TYROBP: variants seen among roughly 807,000 people sequenced by gnomAD.
TYROBP encodes the protein transmembrane immune signaling adaptor TYROBP, also known as TYRO protein tyrosine kinase-binding protein.
In TYROBP, 14 loss-of-function variants were observed where a neutral mutation model predicts 17.1. That is an observed-to-expected ratio of 0.82 (90% confidence interval 0.54 to 1.28). The LOEUF is 1.28. TYROBP is among the 50% of genes most tolerant of loss of function. TYROBP has a pLI of 0.00. For synonymous variants in TYROBP, 73 were observed against 67.4 expected, an observed-to-expected ratio of 1.08 and a Z score of -0.41; for missense variants, 161 against 151.4, an observed-to-expected ratio of 1.06 and a Z score of -0.33.
intron 4 of TYROBP, among the ~76,000 whole-genome samples, chr19:35,905,859 A>G (rs1297207153): frequency 6.6e-6 from 1 of 151,652 alleles, no homozygotes; most frequent in African/African-American, 2.4e-5. Flanking sequence ...AGGCTCAGGC[A>G]AGAGAATCGC....
At position 35,907,562 on chromosome 19, in the gene TYROBP, A is replaced by G. The variant is rs754801907; in HGVS notation, c.113T>C (p.Val38Ala). ...QAQSDCSCST[V>A]SPGVLAGIVM... ...GATCCCTGCCAGCACGCCCGGGCTC[A>G]CCGTAGAGCAACTGCAATCTGCAGC... is the stretch of plus-strand genomic sequence containing the variant. The change falls in exon 3 of 5, where the codon GTG becomes GCG. Residue 38 changes from valine (V) to alanine (A), a missense_variant. Transcript: ENST00000262629. 3 of 1,614,036 alleles carry G rather than the reference A, an allele frequency of 1.9e-6. No individual in the cohort carries two copies. The highest frequency in any genetic ancestry group is 1.1e-5 in the South Asian group (1 of 91,084).
At position 35,904,587 on chromosome 19, in the gene TYROBP, C is replaced by T. The variant is rs1297989037; in HGVS notation, c.324G>A (p.Gln108=). ...TTCGGGCTCATTTGTAATACGGCCT[C>T]TGTGTGTTGAGGTCGCTGTAGACAT... ...RSDVYSDLNT[Q]RPYYK is the part of the protein sequence containing the mutation. Residue 108 remains glutamine (Q), a synonymous_variant, in exon 5 of 5, where the codon CAG becomes CAA. Transcript: ENST00000262629. 3.7e-6 allele frequency: 6 copies of T among 1,613,710 alleles called. No homozygotes were observed. Among genetic ancestry groups the T allele is most frequent in the Non-Finnish European group, 5.1e-6 (6 of 1,179,906 alleles).
At chr19:35,905,681 G>A (rs960833634) in intron 4 of TYROBP, among the ~76,000 whole-genome samples, 3 of 150,858 alleles carry the variant, frequency 2.0e-5, no homozygotes, top group African/African-American at 4.9e-5. Context: ...AAGGCCGGGC[G>A]CGGTGGCTCA....
chr19:35,907,632 G>A (rs1328265312), intron 2 of TYROBP, 52 bp from the exon 3 acceptor site: 1 of 1,613,396 alleles, frequency 6.2e-7, no homozygotes, highest in Non-Finnish European at 8.5e-7. Context: ...CTGTGGGGAG[G>A]GGGGTCAGCG....
chr19:35,904,817 G>T (rs2146984974), intron 4 of TYROBP, among the ~76,000 whole-genome samples, 183 bp from the exon 5 acceptor site: 1 of 151,934 alleles, frequency 6.6e-6, no homozygotes, highest in African/African-American at 2.4e-5. Context: ...CCAGCCTCAG[G>T]GTCCCTGCGT....
chr19:35,907,182 G>C (rs1243252070), intron 4 of TYROBP, 36 bp downstream of exon 4: 3 of 1,575,990 alleles, frequency 1.9e-6, no homozygotes, highest in Non-Finnish European at 1.7e-6. Flanking sequence ...TCCCTGGCAG[G>C]AGTGAAATGT....
intron 2 of TYROBP, 62 bp downstream of exon 2, chr19:35,907,668 G>T: frequency 6.2e-7 from 1 of 1,613,294 alleles, no homozygotes; most frequent in Non-Finnish European, 8.5e-7. Flanking sequence ...AAGGGTGTGG[G>T]AGAGACGGAG....
chr19:35,907,591 G>A lies in TYROBP; in HGVS notation c.95-11C>T, dbSNP rs913126081. ...TAGAGCAACTGCAATCTGCAGCACAGGGGTCAGGGGAGGTCAGTGTGTGCT... is the reference window on the plus strand; with the variant it reads ...TAGAGCAACTGCAATCTGCAGCACAAGGGTCAGGGGAGGTCAGTGTGTGCT... On this transcript the variant is annotated splice_polypyrimidine_tract_variant and intron_variant, in intron 2 of 4. Coordinates refer to ENST00000262629, the MANE Select transcript of TYROBP (RefSeq NM_003332.4). The A allele has an allele frequency of 2.5e-6, 4 of 1,613,982 alleles. No homozygotes were observed. Among genetic ancestry groups the A allele is most frequent in the African/African-American group, 1.3e-5 (1 of 74,916 alleles).
intron 4 of TYROBP, among the ~76,000 whole-genome samples, chr19:35,904,925 C>T (rs1391065234): frequency 6.6e-6 from 1 of 151,614 alleles, no homozygotes; most frequent in Non-Finnish European, 1.5e-5. Context: ...TCTCAATTTC[C>T]CCTCTGTAGT....
intron 4 of TYROBP, among the ~76,000 whole-genome samples, chr19:35,906,081 G>A (rs1004074567): frequency 7.9e-5 from 12 of 151,436 alleles, no homozygotes; most frequent in African/African-American, 2.9e-4. Context: ...GAGACTGGGA[G>A]TTTGAGACCA....
chr19:35,907,683 G>A (rs1975765017), intron 2 of TYROBP, 47 bp downstream of exon 2: 1 of 1,613,138 alleles, frequency 6.2e-7, no homozygotes, highest in Middle Eastern at 1.7e-4. Flanking sequence ...ACGGAGACAG[G>A]GAGGTCTCTG....
Position 35,907,218 on chromosome 19 carries a change from C to G in TYROBP, c.276G>C (p.Gln92His). ...QRITETESPYQELQGQRSDVY... is the reference protein window; with the variant it reads ...QRITETESPYHELQGQRSDVY... ...GAGGAGGACAGTCTGGTTTTCTCAC[C>G]TGATAAGGCGACTCGGTCTCAGTGA... Residue 92 changes from glutamine (Q) to histidine (H), a missense_variant and splice_region_variant, in exon 4 of 5, where the codon CAG becomes CAC. Physicochemically the swap from Gln to His is conservative, Grantham distance 24 (BLOSUM62 0). Coordinates refer to ENST00000262629, the MANE Select transcript of TYROBP (RefSeq NM_003332.4). 1 of 1,601,282 alleles carries G rather than the reference C, an allele frequency of 6.2e-7. No homozygotes were observed. Among genetic ancestry groups the G allele is most frequent in the Non-Finnish European group, 8.5e-7 (1 of 1,174,442 alleles).
intron 4 of TYROBP, among the ~76,000 whole-genome samples, chr19:35,906,431 C>G (rs1483092275): frequency 6.6e-6 from 1 of 152,018 alleles, no homozygotes; most frequent in Non-Finnish European, 1.5e-5. Context: ...TTACACTGCT[C>G]TCAGATTATA....
chr19:35,907,154 G>T, intron 4 of TYROBP, 64 bp downstream of exon 4: 1 of 1,484,782 alleles, frequency 6.7e-7, no homozygotes. Flanking sequence ...TGGCATGAAG[G>T]AGTATCTGGG....
At chr19:35,905,676 C>T (rs1331414468) in intron 4 of TYROBP, among the ~76,000 whole-genome samples, 1 of 150,790 alleles carries the variant, frequency 6.6e-6, no homozygotes, top group Non-Finnish European at 1.5e-5. Context: ...AAATTAAGGC[C>T]GGGCGCGGTG....
intron 4 of TYROBP, among the ~76,000 whole-genome samples, chr19:35,905,137 A>G (rs940726983): frequency 1.3e-5 from 2 of 152,228 alleles, no homozygotes; most frequent in Non-Finnish European, 2.9e-5. Flanking sequence ...ACATCCGGGT[A>G]ATGCTTTGCC....
chr19:35,907,341 C>A (rs1407779172), intron 3 of TYROBP, 77 bp from the exon 4 acceptor site: 5 of 1,606,318 alleles, frequency 3.1e-6, no homozygotes, highest in East Asian at 2.2e-5. Context: ...TCCAAATCAG[C>A]ACCTCCATTA....
chr19:35,907,515 T>A lies in TYROBP; in HGVS notation c.160A>T (p.Thr54Ser). 6.2e-7 allele frequency: 1 copy of A among 1,613,662 alleles called. No individual in the cohort carries two copies. The highest frequency in any genetic ancestry group is 1.1e-5 in the South Asian group (1 of 91,072). Reference sequence around the variant, plus strand: ...TACACGGCCAGGGCAATGAGCACTGTCAGCACCAGGTCTCCCATCACGATC... The same window carrying A: ...TACACGGCCAGGGCAATGAGCACTGACAGCACCAGGTCTCCCATCACGATC... ...AGIVMGDLVL[T>S]VLIALAVYFL... is the part of the protein sequence containing the mutation. Residue 54 changes from threonine to serine, a missense_variant, in exon 3 of 5, where the codon ACA (threonine) becomes TCA (serine). Thr to Ser is a moderately conservative substitution (Grantham distance 58). Transcript: ENST00000262629.
In TYROBP at chr19:35,904,579, T is replaced by TA; in HGVS notation, c.331dup (p.Tyr111LeufsTer?). 6.2e-7 allele frequency: 1 copy of TA among 1,613,728 alleles called. No homozygotes were observed. The highest frequency in any genetic ancestry group is 8.5e-7 in the Non-Finnish European group (1 of 1,179,900). On this transcript the variant is annotated frameshift_variant, in exon 5 of 5. Transcript: ENST00000262629. LOFTEE classifies it high-confidence loss of function. ...TGTCATGATTCGGGCTCATTTGTAA[T>TA]ACGGCCTCTGTGTGTTGAGGTCGCT...
Sources: allele counts gnomAD v4.1 joint callset (sites outside exome capture counted in the v4.1 genomes callset), GRCh38; gene constraint gnomAD v4.1.1; transcripts MANE v1.5; gene names NCBI Gene and HGNC (gene_info 2026-07-23, HGNC 2026-07-21).